CHN1: variants seen among roughly 807,000 people sequenced by gnomAD.
CHN1 encodes the protein chimerin 1, also known as N-chimaerin.
Under a neutral mutation model 59.5 loss-of-function variants are expected in CHN1, and 37 were observed. The observed-to-expected ratio is 0.62, with a 90% CI of 0.48 to 0.82. CHN1 has a LOEUF of 0.82. Among genes scored for constraint, CHN1 ranks in the 40% least tolerant of loss-of-function variants. The pLI is 0.00. For missense variants in CHN1, 469 were observed against 571.0 expected (o/e 0.82, Z 1.82); for synonymous variants, 206 against 200.4 (o/e 1.03, Z -0.24).
chr2:174,974,703 A>G (rs1343729399), intron 1 of CHN1, among the ~76,000 whole-genome samples: 1 of 152,160 alleles, frequency 6.6e-6, no homozygotes, highest in East Asian at 1.9e-4. Context: ...TAAGGGTAAT[A>G]ATAAAGGTAA....
intron 11 of CHN1, chr2:174,802,184 A>T (rs1010406171): frequency 8.8e-6 from 2 of 226,098 alleles, no homozygotes; most frequent in African/African-American, 4.5e-5. Context: ...CCTTAGAATA[A>T]TACTTATAGA....
intron 3 of CHN1, among the ~76,000 whole-genome samples, chr2:174,936,903 ATCT>A (rs1166252948): frequency 1.3e-5 from 2 of 152,204 alleles, no homozygotes; most frequent in Non-Finnish European, 2.9e-5. Context: ...TGGCCTGGTC[ATCT>A]TCTTCCTTTA....
chr2:174,867,193 G>A (rs1223422528), intron 6 of CHN1, among the ~76,000 whole-genome samples: 1 of 151,856 alleles, frequency 6.6e-6, no homozygotes, highest in Admixed American at 6.6e-5. Context: ...GGGCAACGTG[G>A]TGAAACTCTA....
intron 6 of CHN1, among the ~76,000 whole-genome samples, chr2:174,862,470 C>A (rs964362677): frequency 2.0e-5 from 3 of 151,932 alleles, no homozygotes; most frequent in African/African-American, 7.3e-5. Flanking sequence ...GTAGCTGGGA[C>A]TGCAGGCACA....
At chr2:174,914,813 C>A (rs1398596392) in intron 5 of CHN1, among the ~76,000 whole-genome samples, 2 of 142,182 alleles carry the variant, frequency 1.4e-5, no homozygotes, top group Non-Finnish European at 3.0e-5. Flanking sequence ...CCACTGCACT[C>A]CAGCCTGGCA....
chr2:174,911,781 G>A (rs943888157), intron 5 of CHN1, among the ~76,000 whole-genome samples: 2 of 152,290 alleles, frequency 1.3e-5, no homozygotes, highest in Non-Finnish European at 2.9e-5. Flanking sequence ...AAGTGCAGGA[G>A]AGATGCCAAT....
intron 6 of CHN1, among the ~76,000 whole-genome samples, chr2:174,861,217 G>A (rs972478191): frequency 3.3e-5 from 5 of 152,082 alleles, no homozygotes; most frequent in African/African-American, 1.2e-4. Context: ...TATACTTCAT[G>A]GGGACTGGAA....
chr2:174,947,535 AGTGC>A (rs1689882398), intron 2 of CHN1, among the ~76,000 whole-genome samples: 1 of 145,010 alleles, frequency 6.9e-6, no homozygotes, highest in Non-Finnish European at 1.5e-5. Context: ...CCCAGGCTGG[AGTGC>A]AGTGGCACAC....
chr2:174,909,255 C>T (rs1688622900), intron 5 of CHN1, among the ~76,000 whole-genome samples: 2 of 152,116 alleles, frequency 1.3e-5, no homozygotes, highest in South Asian at 2.1e-4. Flanking sequence ...CTGGTATACA[C>T]GTTCCCTCCC....
chr2:174,907,292 T>C lies in CHN1; in HGVS notation c.260+7766A>G, dbSNP rs947305491. ...ACTCATAGGCTCTGGGAACTACTGC[T>C]GGAAAAAAAATTCAATTGATTATGT... On this transcript the variant is annotated intron_variant, in intron 5 of 12. Transcript: ENST00000409900. 2.0e-5 allele frequency among the ~76,000 whole-genome samples: 3 copies of C among 152,156 alleles called. No homozygotes were observed. The East Asian group carries it at 5.8e-4, about 29-fold the overall frequency.
intron 7 of CHN1, among the ~76,000 whole-genome samples, chr2:174,830,841 G>A (rs1558942584): frequency 6.6e-6 from 1 of 152,254 alleles, no homozygotes; most frequent in African/African-American, 2.4e-5. Flanking sequence ...GTCTTTCTGC[G>A]CCACATACTT....
chr2:174,976,126 CAAAAAAAAAAAA>C lies in CHN1; in HGVS notation c.20-23936_20-23925del, dbSNP rs71031078. 1.6e-4 allele frequency among the ~76,000 whole-genome samples: 8 copies of C among 50,182 alleles called. No individual in the cohort carries two copies. In the Admixed American group the frequency reaches 1.8e-3, roughly 11 times the overall value. 32.9% of individuals were successfully genotyped at this position (50,182 alleles called of 152,430 possible). A position where few individuals can be genotyped will look rare whatever the true frequency, so the allele number is the denominator to read the frequency against. On this transcript the variant is annotated intron_variant, in intron 1 of 12. Coordinates refer to ENST00000409900, the MANE Select transcript of CHN1 (RefSeq NM_001822.7). ...GGGCCAACAGGGCAAGACTCCGTCT[CAAAAAAAAAAAA>C]AAAAAAAAAAAAAAAAGGACTAAGA...
intron 5 of CHN1, among the ~76,000 whole-genome samples, chr2:174,879,330 G>A (rs145683431): frequency 6.6e-6 from 1 of 152,142 alleles, no homozygotes; most frequent in Non-Finnish European, 1.5e-5. Flanking sequence ...ATAGCCAGAC[G>A]ATGTCTGTTT....
chr2:174,957,366 G>T lies in CHN1; in HGVS notation c.20-5164C>A, dbSNP rs577754426. Among the ~76,000 whole-genome samples, 6 of 147,450 alleles carry T rather than the reference G, an allele frequency of 4.1e-5. No individual in the cohort carries two copies. In the South Asian group the frequency reaches 1.1e-3, roughly 27 times the overall value. ...CTTGCTTGGCCACAGCCGGGAACAG[G>T]CAGGTCATATGACTCAAATTTTTTA... On this transcript the variant is annotated intron_variant, in intron 1 of 12. Coordinates refer to ENST00000409900, the MANE Select transcript of CHN1 (RefSeq NM_001822.7).
At chr2:174,992,802 C>A (rs1040480820) in intron 1 of CHN1, among the ~76,000 whole-genome samples, 28 of 150,324 alleles carry the variant, frequency 1.9e-4, no homozygotes, top group Non-Finnish European at 3.4e-4. Flanking sequence ...GATATCTAAT[C>A]ACTTTTTTTT....
intron 6 of CHN1, among the ~76,000 whole-genome samples, chr2:174,867,572 G>A (rs1056389204): frequency 1.3e-5 from 2 of 151,962 alleles, no homozygotes; most frequent in African/African-American, 4.8e-5. Flanking sequence ...TTCTGGGTGT[G>A]AATGACAAAA....
intron 5 of CHN1, among the ~76,000 whole-genome samples, chr2:174,900,009 C>T (rs1268128251): frequency 6.6e-6 from 1 of 152,138 alleles, no homozygotes; most frequent in Admixed American, 6.5e-5. Flanking sequence ...AGAAATATCA[C>T]CAGGACAGGG....
At chr2:174,979,262 G>A (rs1437652152) in intron 1 of CHN1, among the ~76,000 whole-genome samples, 1 of 152,108 alleles carries the variant, frequency 6.6e-6, no homozygotes, top group Non-Finnish European at 1.5e-5. Context: ...AATGAGAGGT[G>A]TTAGCCTTAT....
chr2:174,828,876 A>T (rs1685780773), intron 7 of CHN1, among the ~76,000 whole-genome samples: 1 of 152,202 alleles, frequency 6.6e-6, no homozygotes, highest in African/African-American at 2.4e-5. Flanking sequence ...TCTGCAACCC[A>T]TTCCTCTGGG....
Sources: gnomAD v4.1 joint callset for allele counts (sites outside exome capture counted in the v4.1 genomes callset) on GRCh38, gnomAD v4.1.1 for gene constraint, MANE v1.5 for transcripts, NCBI Gene and HGNC (gene_info 2026-07-23, HGNC 2026-07-21) for gene names.